Variants in RBFOX3 observed in about 807,000 individuals in gnomAD.
The protein encoded by RBFOX3 is RNA binding fox-1 homolog 3, also known as RNA binding protein fox-1 homolog 3.
In RBFOX3, 17 loss-of-function variants were observed where a neutral mutation model predicts 48.7. The ratio of observed to expected loss-of-function variants is 0.35; its 90% CI spans 0.24 to 0.52. The LOEUF (loss-of-function observed/expected upper bound fraction) is 0.52, where lower values mean the gene tolerates loss of function less well. Among genes scored for constraint, RBFOX3 ranks in the 20% least tolerant of loss-of-function variants. The probability of loss-of-function intolerance (pLI) is 0.94; values close to 1 mark genes in which losing one functional copy is unlikely to be tolerated. For synonymous variants in RBFOX3, 212 were observed against 209.5 expected (o/e 1.01, Z -0.10); for missense variants, 382 against 497.5 (o/e 0.77, Z 2.21).
At chr17:79,163,684 C>A (rs1356387260) in intron 4 of RBFOX3, among the ~76,000 whole-genome samples, 5 of 147,344 alleles carry the variant, frequency 3.4e-5, no homozygotes, top group East Asian at 4.0e-4. Flanking sequence ...AGAGGGATGC[C>A]CCCCACCCGC....
intron 2 of RBFOX3, among the ~76,000 whole-genome samples, chr17:79,356,472 G>A (rs1025879110): frequency 7.3e-6 from 1 of 136,216 alleles, no homozygotes; most frequent in Non-Finnish European, 1.5e-5. Flanking sequence ...AGGTTCAAGC[G>A]ATTCTCCTGC....
At chr17:79,114,178 G>A (rs559270609) in intron 5 of RBFOX3, among the ~76,000 whole-genome samples, 3 of 152,316 alleles carry the variant, frequency 2.0e-5, no homozygotes, top group Non-Finnish European at 2.9e-5. Flanking sequence ...AACCCGGCTT[G>A]GCTCCTGGGA....
At chr17:79,509,382 C>T (rs1644355289) in intron 1 of RBFOX3, among the ~76,000 whole-genome samples, 2 of 152,072 alleles carry the variant, frequency 1.3e-5, no homozygotes, top group Non-Finnish European at 2.9e-5. Flanking sequence ...GAGCACATAG[C>T]TCAGCAAAGC....
rs951240141 is a variant in RBFOX3, at chr17:79,195,310, G to A, written c.-34+40456C>T. Among the ~76,000 whole-genome samples, 3 of 151,990 alleles carry A rather than the reference G, an allele frequency of 2.0e-5. No individual in the cohort carries two copies. Among genetic ancestry groups the A allele is most frequent in the Non-Finnish European group, 4.4e-5 (3 of 68,020 alleles). ...CCAGCTACTCAGGAGGCTGAGACAC[G>A]ACAATCACTTGAACCCAGGAGGCAG... On this transcript the variant is annotated intron_variant, in intron 4 of 14. Coordinates refer to ENST00000693108, the MANE Select transcript of RBFOX3 (RefSeq NM_001350451.2). The surrounding 1 kb of genome is among the most constrained non-coding windows in gnomAD (Gnocchi z 5.3).
Position 79,423,360 on chromosome 17 carries a change from T to G in RBFOX3, c.-175+59094A>C, listed in dbSNP as rs1555723780. On this transcript the variant is annotated intron_variant, in intron 2 of 14. Coordinates refer to ENST00000693108, the MANE Select transcript of RBFOX3 (RefSeq NM_001350451.2). This position sits in a 1 kb window ranked among gnomAD's most constrained non-coding sequence, Gnocchi z 4.9. ...CTGCTTTCAATGCTTGTGCAGATCC[T>G]GCCGCACAGACCCCAACCCTACCTC... Among the ~76,000 whole-genome samples, 1 of 152,122 alleles carries G rather than the reference T, an allele frequency of 6.6e-6. No individual in the cohort carries two copies.
chr17:79,248,135 G>A (rs1224955749), intron 3 of RBFOX3, among the ~76,000 whole-genome samples: 1 of 152,212 alleles, frequency 6.6e-6, no homozygotes, highest in Non-Finnish European at 1.5e-5. Context: ...CTCTACCTCC[G>A]GGGCACAGGA....
intron 4 of RBFOX3, among the ~76,000 whole-genome samples, chr17:79,191,106 A>G (rs956381367): frequency 6.6e-6 from 1 of 152,226 alleles, no homozygotes; most frequent in African/African-American, 2.4e-5. Flanking sequence ...CCCTGGGTAG[A>G]GGCAGCAAGG....
At position 79,166,159 on chromosome 17, in the gene RBFOX3, CCGG is replaced by C. The variant is rs1422090903; in HGVS notation, c.-33-50414_-33-50412del. Among the ~76,000 whole-genome samples the C allele has an allele frequency of 8.5e-3, 1,291 of 152,296 alleles. 17 individuals are homozygous for C. The highest frequency in any genetic ancestry group is 0.03 in the African/African-American group (1,232 of 41,568). ...CACGCCCACCCCTCCTGTTCCCCCC[CCGG>C]GCAGGTAAGGGCGAACCTTGGCCCC... On this transcript the variant is annotated intron_variant, in intron 4 of 14. Coordinates refer to ENST00000693108, the MANE Select transcript of RBFOX3 (RefSeq NM_001350451.2).
At chr17:79,623,418 G>A in the RBFOX3 span, among the ~76,000 whole-genome samples, 598 of 152,326 alleles carry the variant, frequency 3.9e-3, 3 homozygotes, top group Middle Eastern at 6.8e-3. Flanking sequence ...CAAGGAGGAA[G>A]GAAGGTTCCA....
chr17:79,592,564 G>A (rs1194773315), intron 1 of RBFOX3, among the ~76,000 whole-genome samples: 8 of 152,164 alleles, frequency 5.3e-5, no homozygotes, highest in African/African-American at 1.2e-4. Context: ...AGGTCACCCC[G>A]TGGACTGCCT....
intron 2 of RBFOX3, among the ~76,000 whole-genome samples, chr17:79,382,710 C>T (rs1010289330): frequency 6.6e-6 from 1 of 152,240 alleles, no homozygotes; most frequent in Non-Finnish European, 1.5e-5. Context: ...CTTCTGAATG[C>T]CATTCACCCA....
At chr17:79,218,334 C>T (rs1405310535) in intron 4 of RBFOX3, among the ~76,000 whole-genome samples, 1 of 151,958 alleles carries the variant, frequency 6.6e-6, no homozygotes, top group African/African-American at 2.4e-5. Flanking sequence ...CCTATGGGGG[C>T]CTGGTTCTCT....
At chr17:79,178,822 C>T (rs2051195951) in intron 4 of RBFOX3, among the ~76,000 whole-genome samples, 1 of 152,232 alleles carries the variant, frequency 6.6e-6, no homozygotes, top group African/African-American at 2.4e-5. Context: ...TCAGAATAAA[C>T]ATCACCCGAC....
intron 2 of RBFOX3, among the ~76,000 whole-genome samples, chr17:79,467,094 C>T (rs1225123140): frequency 6.6e-6 from 1 of 152,152 alleles, no homozygotes; most frequent in East Asian, 1.9e-4. Flanking sequence ...TGTGTTATGG[C>T]CTCATCGAGA....
intron 1 of RBFOX3, among the ~76,000 whole-genome samples, chr17:79,565,459 C>G (rs2092422472): frequency 6.6e-6 from 1 of 151,862 alleles, no homozygotes; most frequent in African/African-American, 2.4e-5. Context: ...CCTGCCTCAG[C>G]CTCCCAAGTA....
rs72848008 is a variant in RBFOX3 at position 79,273,198 on chromosome 17, G to C, written c.-74+34526C>G. 8.2e-3 allele frequency among the ~76,000 whole-genome samples: 1,241 copies of C among 152,256 alleles called. 7 individuals are homozygous for C. Among genetic ancestry groups the C allele is most frequent in the Non-Finnish European group, 0.012 (813 of 68,018 alleles). ...GATCCAGGGTGTTCTCTGAGCCCCT[G>C]CAGCAATCTGAGTCAACCCTTCCAC... On this transcript the variant is annotated intron_variant, in intron 3 of 14. Transcript: ENST00000693108.
chr17:79,645,925 C>T, the RBFOX3 span, among the ~76,000 whole-genome samples: 2 of 152,214 alleles, frequency 1.3e-5, no homozygotes, highest in Non-Finnish European at 2.9e-5. Context: ...AATAATTCGA[C>T]ATCCTTGATT....
rs1374829359 is a variant in RBFOX3 at position 79,220,707 on chromosome 17, G to A, written c.-34+15059C>T. 6.6e-6 allele frequency among the ~76,000 whole-genome samples: 1 copy of A among 152,078 alleles called. No homozygotes were observed. The highest frequency in any genetic ancestry group is 1.9e-4 in the East Asian group (1 of 5,176). ...CTGAAGGTTAGAACAATTCTCATAA[G>A]GTCCCTCTTGGCTTCAGAGGGTGGG... On this transcript the variant is annotated intron_variant, in intron 4 of 14. Coordinates refer to ENST00000693108, the MANE Select transcript of RBFOX3 (RefSeq NM_001350451.2). This position sits in a 1 kb window ranked among gnomAD's most constrained non-coding sequence, Gnocchi z 5.9.
chr17:79,478,656 G>A (rs1485155036), intron 2 of RBFOX3, among the ~76,000 whole-genome samples: 6 of 152,214 alleles, frequency 3.9e-5, no homozygotes, highest in Admixed American at 6.5e-5. Context: ...TGGTGAAGGG[G>A]AGGGGAAAGG....
Sources: allele counts gnomAD v4.1 joint callset (sites outside exome capture counted in the v4.1 genomes callset), GRCh38; gene constraint gnomAD v4.1.1; non-coding constraint Gnocchi (gnomAD v3.1); transcripts MANE v1.5; gene names NCBI Gene and HGNC (gene_info 2026-07-23, HGNC 2026-07-21).